Variants in XNDC1N observed in about 807,000 individuals in gnomAD.
XNDC1N encodes the protein protein XNDC1N.
At chr11:71,918,961 G>T in the XNDC1N span, 1 of 702,966 alleles carries the variant, frequency 1.4e-6, no homozygotes, top group Non-Finnish European at 2.6e-6. Context: ...TGTCCTGAGG[G>T]CAGCCGAGCC....
At chr11:71,885,127 T>C in the XNDC1N span, among the ~76,000 whole-genome samples, 3 of 150,882 alleles carry the variant, frequency 2.0e-5, no homozygotes, top group Non-Finnish European at 4.4e-5. Context: ...TGTACACCCG[T>C]CTGTATTGGG....
the XNDC1N span, among the ~76,000 whole-genome samples, chr11:71,889,928 C>T: frequency 6.6e-6 from 1 of 152,126 alleles, no homozygotes; most frequent in African/African-American, 2.4e-5. Flanking sequence ...GATCTGATTC[C>T]TAGATTTCGA....
At chr11:71,887,176 C>G in the XNDC1N span, among the ~76,000 whole-genome samples, 1 of 152,180 alleles carries the variant, frequency 6.6e-6, no homozygotes, top group Non-Finnish European at 1.5e-5. Flanking sequence ...CGGTGCTGAA[C>G]ATTCGCTAGT....
the XNDC1N span, among the ~76,000 whole-genome samples, chr11:71,875,141 T>C: frequency 6.6e-6 from 1 of 152,116 alleles, no homozygotes; most frequent in Admixed American, 6.5e-5. Context: ...ATAAATATAT[T>C]ATGAAATATC....
chr11:71,897,657 A>G, the XNDC1N span, among the ~76,000 whole-genome samples: 4 of 152,240 alleles, frequency 2.6e-5, no homozygotes, highest in Non-Finnish European at 5.9e-5. Flanking sequence ...TATGGCGTGT[A>G]CTGGAAAAAT....
chr11:71,884,502 G>C, the XNDC1N span: 1 of 1,610,144 alleles, frequency 6.2e-7, no homozygotes, highest in Non-Finnish European at 8.5e-7. Context: ...ATACTGTGCT[G>C]ACTTCAGCAT....
chr11:71,880,766 A>T, the XNDC1N span, among the ~76,000 whole-genome samples: 4 of 152,000 alleles, frequency 2.6e-5, no homozygotes, highest in Non-Finnish European at 5.9e-5. Context: ...TTTTTCATTG[A>T]CTCAATGGTT....
the XNDC1N span, among the ~76,000 whole-genome samples, chr11:71,897,488 T>G: frequency 5.9e-5 from 9 of 152,180 alleles, no homozygotes; most frequent in African/African-American, 1.9e-4. Flanking sequence ...ATGTTCAAAA[T>G]CACTCATCAT....
At chr11:71,913,025 A>G in the XNDC1N span, among the ~76,000 whole-genome samples, 1 of 152,142 alleles carries the variant, frequency 6.6e-6, no homozygotes, top group East Asian at 1.9e-4. Context: ...GGGTTGGTGT[A>G]CATTCCCTGC....
chr11:71,890,582 C>T, the XNDC1N span, among the ~76,000 whole-genome samples: 1 of 152,008 alleles, frequency 6.6e-6, no homozygotes, highest in East Asian at 1.9e-4. Context: ...TTTGGATATT[C>T]GGTGCCATAT....
the XNDC1N span, among the ~76,000 whole-genome samples, chr11:71,901,161 G>T: frequency 6.6e-6 from 1 of 152,148 alleles, no homozygotes; most frequent in African/African-American, 2.4e-5. Context: ...CCTTGCCCCT[G>T]TTCCTGGCTT....
chr11:71,897,688 G>A, the XNDC1N span, among the ~76,000 whole-genome samples: 1 of 152,224 alleles, frequency 6.6e-6, no homozygotes, highest in Admixed American at 6.5e-5. Flanking sequence ...ATGATCAGAT[G>A]TTCCCGCAGT....
At chr11:71,891,906 C>A in the XNDC1N span, among the ~76,000 whole-genome samples, 10 of 151,728 alleles carry the variant, frequency 6.6e-5, no homozygotes, top group Non-Finnish European at 1.0e-4. Context: ...GTGGTGTACA[C>A]CCCCTGTGAT....
chr11:71,866,658 G>A, the XNDC1N span, among the ~76,000 whole-genome samples: 6 of 152,166 alleles, frequency 3.9e-5, no homozygotes, highest in South Asian at 1.2e-3. Flanking sequence ...CAGCTACTCA[G>A]GAAGCTGAGG....
the XNDC1N span, chr11:71,884,490 A>G: frequency 6.2e-7 from 1 of 1,610,696 alleles, no homozygotes; most frequent in Non-Finnish European, 8.5e-7. Flanking sequence ...ACATGCAATT[A>G]GATACTGTGC....
At chr11:71,910,508 G>C in the XNDC1N span, among the ~76,000 whole-genome samples, 9 of 152,126 alleles carry the variant, frequency 5.9e-5, no homozygotes, top group South Asian at 2.1e-4. Context: ...AGTTTCCCAG[G>C]AGAGACCTAG....
At chr11:71,924,698 A>C in the XNDC1N span, among the ~76,000 whole-genome samples, 1 of 152,138 alleles carries the variant, frequency 6.6e-6, no homozygotes, top group Non-Finnish European at 1.5e-5. Flanking sequence ...AAAAAACAAA[A>C]AAAAAAGTTC....
chr11:71,917,921 G>A, the XNDC1N span: 1 of 601,434 alleles, frequency 1.7e-6, no homozygotes, highest in Admixed American at 2.9e-5. Flanking sequence ...CAGGGAGCCA[G>A]TAACTGGAGT....
chr11:71,868,976 T>C, the XNDC1N span, among the ~76,000 whole-genome samples: 1 of 152,204 alleles, frequency 6.6e-6, no homozygotes, highest in Non-Finnish European at 1.5e-5. Flanking sequence ...GTTCATCTTT[T>C]TGAATTCTTT....
Sources: gnomAD v4.1 joint callset for allele counts (sites outside exome capture counted in the v4.1 genomes callset) on GRCh38, gnomAD v4.1.1 for gene constraint, MANE v1.5 for transcripts, NCBI Gene and HGNC (gene_info 2026-07-23, HGNC 2026-07-21) for gene names.